Variants in FGFR1 observed in about 807,000 individuals in gnomAD.
The protein encoded by FGFR1 is FGFR1/PLAG1 fusion.
Under a neutral mutation model 93.7 loss-of-function variants are expected in FGFR1, and 18 were observed. The ratio of observed to expected loss-of-function variants is 0.19; its 90% CI spans 0.13 to 0.28. The LOEUF is 0.28. Ranked by LOEUF, FGFR1 falls within the 10% of genes least tolerant of loss-of-function variation. The pLI, the probability that FGFR1 is intolerant of heterozygous loss-of-function variation, is 1.00. For synonymous variants in FGFR1, 448 were observed against 429.3 expected, an observed-to-expected ratio of 1.04 and a Z score of -0.54; for missense variants, 731 against 1,080.4, an observed-to-expected ratio of 0.68 and a Z score of 4.53.
chr8:38,412,856 CTTT>C lies in FGFR1; in HGVS notation c.*769_*771del, dbSNP rs1030294333. On this transcript the variant is annotated 3_prime_UTR_variant, in exon 18 of 18. Coordinates refer to ENST00000447712, the MANE Select transcript of FGFR1 (RefSeq NM_023110.3). ...TTTTAAAAACATTTTCCTTTTTTTT[CTTT>C]TTTGTTTTTAATATATAGCAACTGA... 1.3e-5 allele frequency: 3 copies of C among 233,146 alleles called. No homozygotes were observed. The highest frequency in any genetic ancestry group is 6.6e-5 in the African/African-American group (3 of 45,294). The allele number at this position is 233,146 out of a possible 1,614,324, so 14.4% of individuals were successfully genotyped here.
At chr8:38,421,459 A>AG (rs1411901223) in intron 8 of FGFR1, among the ~76,000 whole-genome samples, 3 of 152,162 alleles carry the variant, frequency 2.0e-5, no homozygotes, top group Non-Finnish European at 2.9e-5. Flanking sequence ...TACCCAGCGG[A>AG]GGGGGGAGGC....
rs17175673 is a variant in FGFR1, at chr8:38,468,250, G to A, written c.-358C>T. On this transcript the variant is annotated 5_prime_UTR_variant, in exon 1 of 18. Coordinates refer to ENST00000447712, the MANE Select transcript of FGFR1 (RefSeq NM_023110.3). ...CCGCCACCCGGGGTCTCCAGACCTT[G>A]TGCCCCCCTCCTCCAGAACGCAGCG... is the stretch of plus-strand genomic sequence containing the variant. 1,549 of 228,664 alleles carry A rather than the reference G, an allele frequency of 6.8e-3. 6 individuals are homozygous for A. Among genetic ancestry groups the A allele is most frequent in the Non-Finnish European group, 9.4e-3 (1,083 of 114,986 alleles). 14.2% of individuals were successfully genotyped at this position (228,664 alleles called of 1,614,324 possible).
At chr8:38,452,200 G>GACACACAGAC (rs1391126494) in intron 2 of FGFR1, among the ~76,000 whole-genome samples, 14 of 139,186 alleles carry the variant, frequency 1.0e-4, no homozygotes, top group African/African-American at 3.8e-4. Flanking sequence ...CAGACACACA[G>GACACACAGAC]ACACACACAC....
intron 2 of FGFR1, among the ~76,000 whole-genome samples, chr8:38,443,748 T>C (rs1431651436): frequency 1.3e-5 from 2 of 151,510 alleles, no homozygotes; most frequent in Non-Finnish European, 2.9e-5. Flanking sequence ...ACATATATTT[T>C]ACCACAACAA....
At position 38,424,839 on chromosome 8, in the gene FGFR1, A is replaced by C; in HGVS notation, c.746-140T>G. 2 of 822,310 alleles carry C rather than the reference A, an allele frequency of 2.4e-6. No individual in the cohort carries two copies. Among genetic ancestry groups the C allele is most frequent in the Non-Finnish European group, 3.8e-6 (2 of 532,546 alleles). 50.9% of individuals were successfully genotyped at this position (822,310 alleles called of 1,614,324 possible). A position where few individuals can be genotyped will look rare whatever the true frequency, so the allele number is the denominator to read the frequency against. On this transcript the variant is annotated intron_variant, in intron 6 of 17. Coordinates refer to ENST00000447712, the MANE Select transcript of FGFR1 (RefSeq NM_023110.3). This position sits in a 1 kb window ranked among gnomAD's most constrained non-coding sequence, Gnocchi z 4.3. ...CACTTCTGCTGAGCCCAAGCCTCTCAAAACAGAGCTGGGGAAAGGGACACC... is the reference window on the plus strand; with the variant it reads ...CACTTCTGCTGAGCCCAAGCCTCTCCAAACAGAGCTGGGGAAAGGGACACC...
At chr8:38,456,569 A>G (rs935133613) in intron 2 of FGFR1, among the ~76,000 whole-genome samples, 2 of 152,178 alleles carry the variant, frequency 1.3e-5, no homozygotes, top group East Asian at 1.9e-4. Flanking sequence ...TGAAGCCATG[A>G]CTGCTGACCC....
At chr8:38,467,320 A>G (rs1190970899) in intron 1 of FGFR1, among the ~76,000 whole-genome samples, 1 of 149,328 alleles carries the variant, frequency 6.7e-6, no homozygotes, top group African/African-American at 2.5e-5. Flanking sequence ...AGATTCAGCC[A>G]TTTGGTGACG....
intron 2 of FGFR1, among the ~76,000 whole-genome samples, chr8:38,439,394 G>T (rs914196956): frequency 6.6e-6 from 1 of 152,050 alleles, no homozygotes; most frequent in Admixed American, 6.6e-5. Context: ...TTCTCTTCTC[G>T]AGCCCCTCAC....
At chr8:38,462,522 A>G (rs911727671) in intron 1 of FGFR1, among the ~76,000 whole-genome samples, 1 of 151,760 alleles carries the variant, frequency 6.6e-6, no homozygotes, top group Non-Finnish European at 1.5e-5. Flanking sequence ...AATTTTTTTT[A>G]CCTATTTCTT....
intron 2 of FGFR1, among the ~76,000 whole-genome samples, chr8:38,444,390 T>TG (rs1554583271): frequency 5.7e-5 from 8 of 140,978 alleles, no homozygotes; most frequent in African/African-American, 2.1e-4. Context: ...GGTTCGGGTT[T>TG]TTTTTTTTTT....
At chr8:38,463,861 G>A (rs534531390) in intron 1 of FGFR1, among the ~76,000 whole-genome samples, 2 of 152,212 alleles carry the variant, frequency 1.3e-5, no homozygotes, top group South Asian at 4.1e-4. Context: ...CTACTCACAT[G>A]TTGAGAGGGC....
Position 38,417,355 on chromosome 8 carries a change from G to A in FGFR1, c.1614C>T (p.Ile538=), listed in dbSNP as rs747825610. ...LISEMEMMKM[I]GKHKNIINLL... ...GGTTGATGATATTCTTATGCTTCCCGATCATCTTCATCATCTCCATTTCTG... is the reference window on the plus strand; with the variant it reads ...GGTTGATGATATTCTTATGCTTCCCAATCATCTTCATCATCTCCATTTCTG... Residue 538 remains isoleucine (I), a synonymous_variant, in exon 12 of 18, where the codon ATC becomes ATT. Coordinates refer to ENST00000447712, the MANE Select transcript of FGFR1 (RefSeq NM_023110.3). The A allele has an allele frequency of 6.2e-5, 100 of 1,613,950 alleles. No individual in the cohort carries two copies. Among genetic ancestry groups the A allele is most frequent in the Non-Finnish European group, 7.9e-5 (93 of 1,180,020 alleles).
chr8:38,417,476 A>T lies in FGFR1; in HGVS notation c.1553-60T>A. 2.1e-6 allele frequency: 3 copies of T among 1,407,928 alleles called. No homozygotes were observed. In the East Asian group the frequency reaches 6.8e-5, roughly 32 times the overall value. 87.2% of individuals were successfully genotyped at this position (1,407,928 alleles called of 1,614,324 possible). A position where few individuals can be genotyped will look rare whatever the true frequency, so the allele number is the denominator to read the frequency against. On this transcript the variant is annotated intron_variant, in intron 11 of 17. Coordinates refer to ENST00000447712, the MANE Select transcript of FGFR1 (RefSeq NM_023110.3). ...AAGGGAGGAGGGCAGGATAAAGGCT[A>T]AGGGAGTGGGGTATGTGTCGAGGGG...
At chr8:38,452,889 A>G (rs1041372317) in intron 2 of FGFR1, among the ~76,000 whole-genome samples, 15 of 151,912 alleles carry the variant, frequency 9.9e-5, no homozygotes, top group African/African-American at 3.6e-4. Context: ...AGGCAGAAGA[A>G]TCGCTTGAAC....
chr8:38,457,096 C>T (rs1363203323), intron 2 of FGFR1, among the ~76,000 whole-genome samples: 1 of 152,200 alleles, frequency 6.6e-6, no homozygotes, highest in Non-Finnish European at 1.5e-5. Flanking sequence ...TAAATTACCC[C>T]CCACAAACAT....
intron 2 of FGFR1, among the ~76,000 whole-genome samples, chr8:38,451,646 C>A (rs1049285199): frequency 6.6e-6 from 1 of 152,092 alleles, no homozygotes; most frequent in African/African-American, 2.4e-5. Flanking sequence ...GCAACCTCTC[C>A]CCCCTCTAAC....
intron 2 of FGFR1, among the ~76,000 whole-genome samples, chr8:38,446,062 T>C (rs1374243444): frequency 6.6e-6 from 1 of 152,084 alleles, no homozygotes; most frequent in Non-Finnish European, 1.5e-5. Flanking sequence ...GCAGTGATAA[T>C]TGACTGAAAG....
Position 38,424,485 on chromosome 8 carries a change from C to G in FGFR1, c.936+24G>C, listed in dbSNP as rs777974545. On this transcript the variant is annotated intron_variant, in intron 7 of 17. Coordinates refer to ENST00000447712, the MANE Select transcript of FGFR1 (RefSeq NM_023110.3). The surrounding 1 kb of genome is among the most constrained non-coding windows in gnomAD (Gnocchi z 4.3). ...TGGTCTCCTTCCCAGTAGACTGGCC[C>G]ACGAAGACTGGTGCCATGATTACCT... 1 of 1,613,988 alleles carries G rather than the reference C, an allele frequency of 6.2e-7. No homozygotes were observed. The highest frequency in any genetic ancestry group is 8.5e-7 in the Non-Finnish European group (1 of 1,179,912).
chr8:38,428,160 G>A (rs1821459100), intron 4 of FGFR1, 67 bp from the exon 5 acceptor site: 4 of 1,605,292 alleles, frequency 2.5e-6, no homozygotes, highest in Non-Finnish European at 3.4e-6. Context: ...TCAGGAGCAG[G>A]GCCCAGGCCA....
Sources: allele counts gnomAD v4.1 joint callset (sites outside exome capture counted in the v4.1 genomes callset), GRCh38; gene constraint gnomAD v4.1.1; non-coding constraint Gnocchi (gnomAD v3.1); transcripts MANE v1.5; gene names NCBI Gene and HGNC (gene_info 2026-07-23, HGNC 2026-07-21).